The following CERS6 variants were observed in gnomAD, a reference collection of about 807,000 sequenced individuals.
CERS6 encodes ceramide synthase 6.
Under a neutral mutation model 56.8 loss-of-function variants are expected in CERS6, and 26 were observed. That is an observed-to-expected ratio of 0.46 (90% CI 0.34 to 0.63). The LOEUF (loss-of-function observed/expected upper bound fraction) is 0.63. CERS6 is among the 30% of genes least tolerant of loss of function. CERS6 has a pLI of 0.01. For synonymous variants in CERS6, 164 were observed against 173.3 expected (o/e 0.95, Z 0.42); for missense variants, 415 against 467.5 (o/e 0.89, Z 1.04).
intron 6 of CERS6, among the ~76,000 whole-genome samples, chr2:168,696,327 T>A (rs1173948621): frequency 6.6e-6 from 1 of 152,212 alleles, no homozygotes. Context: ...GCTCTCGTTT[T>A]TGCCACTCCG....
chr2:168,739,278 G>C (rs1413881199), intron 8 of CERS6, among the ~76,000 whole-genome samples: 1 of 151,922 alleles, frequency 6.6e-6, no homozygotes, highest in Admixed American at 6.6e-5. Context: ...TGATATTTGA[G>C]CTGGGCCTTG....
chr2:168,519,984 G>T (rs185726076), intron 1 of CERS6, among the ~76,000 whole-genome samples: 1 of 152,216 alleles, frequency 6.6e-6, no homozygotes, highest in East Asian at 1.9e-4. Context: ...TCTATTTTTA[G>T]TTCTTTGAGA....
intron 1 of CERS6, among the ~76,000 whole-genome samples, chr2:168,538,604 A>G (rs74376372): frequency 0.02 from 3,093 of 152,188 alleles, 120 homozygotes; most frequent in East Asian, 0.18. Flanking sequence ...ACTTCTCACC[A>G]TCTGGCATAG....
chr2:168,460,157 A>G (rs561720661), intron 1 of CERS6, among the ~76,000 whole-genome samples: 1 of 149,838 alleles, frequency 6.7e-6, no homozygotes, highest in South Asian at 2.1e-4. Context: ...ACTAATTATT[A>G]TCTGATGAAA....
intron 3 of CERS6, among the ~76,000 whole-genome samples, chr2:168,565,515 A>G (rs890875155): frequency 3.9e-5 from 6 of 152,236 alleles, no homozygotes; most frequent in African/African-American, 1.2e-4. Context: ...AAGGATCTAT[A>G]TAATTTTTCT....
intron 4 of CERS6, chr2:168,644,423 G>T (rs1863147): frequency 0.21 from 184,877 of 892,662 alleles, 20,816 homozygotes; most frequent in South Asian, 0.42. Flanking sequence ...GAACAAAGGT[G>T]GGGTCAAGCA....
At chr2:168,675,926 C>G (rs1686047204) in intron 4 of CERS6, among the ~76,000 whole-genome samples, 1 of 152,072 alleles carries the variant, frequency 6.6e-6, no homozygotes, top group Non-Finnish European at 1.5e-5. Context: ...ACCTTGTGAT[C>G]TGCCCACCTC....
Position 168,772,361 on chromosome 2 carries a change from C to G in CERS6, c.*2699C>G, listed in dbSNP as rs999745790. The G allele has an allele frequency of 1.3e-5, 2 of 152,438 alleles. No homozygotes were observed. The highest frequency in any genetic ancestry group is 4.8e-5 in the African/African-American group (2 of 41,380). 9.4% of individuals were successfully genotyped at this position (152,438 alleles called of 1,614,324 possible). The stretch of plus-strand genomic sequence containing the variant: ...TCTTAGTAGGGGGAAAGTAGAAAAT[C>G]GAGTAGAATTTGGCCTCAGGTCAAT... On this transcript the variant is annotated 3_prime_UTR_variant, in exon 10 of 10. Coordinates refer to ENST00000305747, the MANE Select transcript of CERS6 (RefSeq NM_203463.3).
chr2:168,655,197 C>G (rs558671392), intron 4 of CERS6, among the ~76,000 whole-genome samples: 11 of 151,804 alleles, frequency 7.2e-5, no homozygotes, highest in Admixed American at 5.2e-4. Flanking sequence ...CACCTCACAC[C>G]TCTTACGATG....
At chr2:168,547,852 A>G (rs1695494996) in intron 2 of CERS6, 151 bp downstream of exon 2, 2 of 628,748 alleles carry the variant, frequency 3.2e-6, no homozygotes, top group Non-Finnish European at 5.7e-6. Flanking sequence ...CAAGCGTAGT[A>G]GAAGCGGAAT....
At chr2:168,663,733 C>A (rs75348913) in intron 4 of CERS6, among the ~76,000 whole-genome samples, 1 of 151,638 alleles carries the variant, frequency 6.6e-6, no homozygotes, top group South Asian at 2.1e-4. Context: ...GTAGATCCAC[C>A]GTAGGTATTC....
chr2:168,648,923 T>C (rs1341254430), intron 4 of CERS6, among the ~76,000 whole-genome samples: 2 of 152,150 alleles, frequency 1.3e-5, no homozygotes, highest in Non-Finnish European at 2.9e-5. Context: ...TGGCCAACTT[T>C]AGAGTATGTG....
At chr2:168,555,684 T>A (rs1382199418) in intron 2 of CERS6, among the ~76,000 whole-genome samples, 2 of 150,518 alleles carry the variant, frequency 1.3e-5, no homozygotes, top group Non-Finnish European at 3.0e-5. Flanking sequence ...ATAGAAAAAC[T>A]TGACTAAAAA....
intron 6 of CERS6, among the ~76,000 whole-genome samples, chr2:168,713,802 G>A (rs965624039): frequency 2.0e-5 from 3 of 152,192 alleles, no homozygotes; most frequent in African/African-American, 4.8e-5. Context: ...GAGCTTGTTT[G>A]TGTAGGTCCT....
intron 4 of CERS6, among the ~76,000 whole-genome samples, chr2:168,655,036 G>T (rs1685434773): frequency 3.9e-5 from 6 of 152,156 alleles, no homozygotes; most frequent in Admixed American, 3.9e-4. Flanking sequence ...CAACTCAACA[G>T]CAAGAAAACA....
intron 1 of CERS6, among the ~76,000 whole-genome samples, chr2:168,505,152 A>C (rs940415802): frequency 6.6e-6 from 1 of 152,000 alleles, no homozygotes; most frequent in Non-Finnish European, 1.5e-5. Context: ...CAAGCGGGCT[A>C]TTCCCTTGAG....
chr2:168,688,797 C>T (rs1323945656), intron 4 of CERS6, among the ~76,000 whole-genome samples: 3 of 152,134 alleles, frequency 2.0e-5, no homozygotes, highest in Non-Finnish European at 4.4e-5. Context: ...CTCCGGTGCA[C>T]AGGAGCCCAA....
At chr2:168,683,782 A>G (rs915278750) in intron 4 of CERS6, among the ~76,000 whole-genome samples, 6 of 152,146 alleles carry the variant, frequency 3.9e-5, no homozygotes, top group African/African-American at 1.4e-4. Flanking sequence ...GTGGTCTTTC[A>G]AGCGCCATAT....
chr2:168,755,723 C>T (rs764366170), intron 8 of CERS6, among the ~76,000 whole-genome samples: 1 of 152,232 alleles, frequency 6.6e-6, no homozygotes, highest in Admixed American at 6.5e-5. Flanking sequence ...TGTAAATAGC[C>T]ATCCTGTAAA....
Sources: allele counts gnomAD v4.1 joint callset (sites outside exome capture counted in the v4.1 genomes callset), GRCh38; gene constraint gnomAD v4.1.1; transcripts MANE v1.5; gene names NCBI Gene and HGNC (gene_info 2026-07-23, HGNC 2026-07-21).